The following MICALL2 variants were observed in gnomAD, a reference collection of about 807,000 sequenced individuals.
MICALL2 encodes MICAL like 2.
Under a neutral mutation model 91.1 loss-of-function variants are expected in MICALL2, and 111 were observed. The observed-to-expected ratio is 1.22, with a 90% confidence interval of 1.04 to 1.43. The LOEUF (loss-of-function observed/expected upper bound fraction) is 1.43, where lower values mean the gene tolerates loss of function less well. Ranked by LOEUF, MICALL2 falls within the 40% of genes most tolerant of loss-of-function variation. The probability of loss-of-function intolerance (pLI) is 0.00; values close to 1 mark genes in which losing one functional copy is unlikely to be tolerated. For missense variants in MICALL2, 1,556 were observed against 1,236.0 expected (o/e 1.26, Z -3.88); for synonymous variants, 694 against 525.3 (o/e 1.32, Z -4.39).
chr7:1,457,205 C>G (rs749377625), intron 1 of MICALL2, among the ~76,000 whole-genome samples: 4 of 152,212 alleles, frequency 2.6e-5, no homozygotes, highest in Non-Finnish European at 5.9e-5. Context: ...TGAACCCCAA[C>G]TGAAAGGCCC....
rs4307249 is a variant in MICALL2, at chr7:1,439,008, G to A, written c.1967-13C>T. ...GAGGGGGACCTGGCTGCCCCCAGGT[G>A]GGGAGACAGAGCCACGCTTCAGAGC... is the stretch of plus-strand genomic sequence containing the variant. On this transcript the variant is annotated splice_polypyrimidine_tract_variant and intron_variant, in intron 9 of 16. Coordinates refer to ENST00000297508, the MANE Select transcript of MICALL2 (RefSeq NM_182924.4). 273,338 of 1,582,514 alleles carry A rather than the reference G, an allele frequency of 0.17. 25,111 individuals are homozygous for A. Among genetic ancestry groups the A allele is most frequent in the Admixed American group, 0.3 (17,497 of 59,286 alleles).
chr7:1,450,443 G>A (rs976286627), intron 1 of MICALL2, 155 bp from the exon 2 acceptor site: 15 of 672,864 alleles, frequency 2.2e-5, no homozygotes, highest in Admixed American at 2.4e-5. Context: ...GTGGGCAGAG[G>A]CCAGGGCTCC....
At chr7:1,454,316 G>A (rs1052559942) in intron 1 of MICALL2, among the ~76,000 whole-genome samples, 7 of 152,172 alleles carry the variant, frequency 4.6e-5, no homozygotes, top group Non-Finnish European at 8.8e-5. Flanking sequence ...GAGAGAGGAA[G>A]ACCCCAGCGG....
chr7:1,442,420 G>C lies in MICALL2; in HGVS notation c.1483C>G (p.Pro495Ala). The change falls in exon 7 of 17, where the codon CCC becomes GCC. Residue 495 changes from proline to alanine, a missense_variant. Transcript: ENST00000297508. The part of the protein sequence containing the change: ...QPKTEAPQAS[P>A]LAKPLQSSSP... ...GAGGACTGTAACGGCTTGGCTAAGG[G>C]ACTTGCTTGTGGTGCTTCAGTTTTG... 6.3e-7 allele frequency: 1 copy of C among 1,581,262 alleles called. No homozygotes were observed. The highest frequency in any genetic ancestry group is 8.6e-7 in the Non-Finnish European group (1 of 1,162,248).
intron 6 of MICALL2, among the ~76,000 whole-genome samples, chr7:1,443,791 A>C (rs1211925244): frequency 1.3e-5 from 2 of 152,204 alleles, no homozygotes; most frequent in Non-Finnish European, 2.9e-5. Context: ...CCCCCGCCTC[A>C]AGGTCAGACT....
chr7:1,446,592 G>A (rs1780601171), intron 5 of MICALL2, 121 bp downstream of exon 5: 2 of 655,470 alleles, frequency 3.1e-6, no homozygotes, highest in East Asian at 2.9e-5. Flanking sequence ...GAGGGGAGAG[G>A]GGAGAGGGGA....
chr7:1,444,625 G>A lies in MICALL2; in HGVS notation c.1418+27C>T, dbSNP rs770020389. 88 of 1,595,536 alleles carry A rather than the reference G, an allele frequency of 5.5e-5. 1 individual carries two copies. Among genetic ancestry groups the A allele is most frequent in the South Asian group, 3.9e-4 (35 of 89,914 alleles). On this transcript the variant is annotated intron_variant, in intron 6 of 16. Transcript: ENST00000297508. ...TGGCTGGTGCAAAGAGGCCATACCC[G>A]GGGTCCCTCGGTCCCCACGCGCTCA...
intron 9 of MICALL2, 121 bp downstream of exon 9, chr7:1,439,804 G>A (rs1273955299): frequency 1.3e-6 from 1 of 785,074 alleles, no homozygotes; most frequent in Non-Finnish European, 1.8e-6. Flanking sequence ...TTCTCTGGCT[G>A]ACCGGAGCGC....
At chr7:1,441,065 G>A in intron 7 of MICALL2, 1 of 262,176 alleles carries the variant, frequency 3.8e-6, no homozygotes, top group Middle Eastern at 1.4e-3. Context: ...GCAGGATCCA[G>A]CGCGTGGCTT....
chr7:1,439,286 C>G (rs1406922973), intron 9 of MICALL2: 4 of 428,002 alleles, frequency 9.3e-6, no homozygotes, highest in Non-Finnish European at 1.7e-5. Context: ...GGAATACACA[C>G]AGAGATGTGT....
intron 6 of MICALL2, among the ~76,000 whole-genome samples, chr7:1,444,361 G>A (rs906033399): frequency 6.6e-6 from 1 of 152,214 alleles, no homozygotes; most frequent in Non-Finnish European, 1.5e-5. Flanking sequence ...TTCCAAGGGA[G>A]TGCAGCACAG....
intron 6 of MICALL2, among the ~76,000 whole-genome samples, chr7:1,443,788 C>A (rs1023114783): frequency 6.6e-6 from 1 of 152,234 alleles, no homozygotes; most frequent in African/African-American, 2.4e-5. Flanking sequence ...CTTCCCCCGC[C>A]TCAAGGTCAG....
chr7:1,437,364 G>A (rs553672521), intron 14 of MICALL2, 171 bp downstream of exon 14: 9 of 616,514 alleles, frequency 1.5e-5, no homozygotes, highest in African/African-American at 3.9e-5. Context: ...CTTGGCTGAG[G>A]ACACACAGCC....
At chr7:1,440,369 C>T in intron 8 of MICALL2, 1 of 629,012 alleles carries the variant, frequency 1.6e-6, no homozygotes. Context: ...GTGCGTGAAC[C>T]CACACGGGTG....
In MICALL2 at chr7:1,443,707, G is replaced by A. The variant is rs900837467; in HGVS notation, c.1418+945C>T. Among the ~76,000 whole-genome samples, 4 of 152,290 alleles carry A rather than the reference G, an allele frequency of 2.6e-5. 1 individual carries two copies. Among genetic ancestry groups the A allele is most frequent in the East Asian group, 1.9e-4 (1 of 5,186 alleles). The stretch of plus-strand genomic sequence containing the variant: ...AGGGAGGCGACCACAAGCCAAGAAC[G>A]CTCAGAGCCGCTGGGAGCTGGAAGA... On this transcript the variant is annotated intron_variant, in intron 6 of 16. Coordinates refer to ENST00000297508, the MANE Select transcript of MICALL2 (RefSeq NM_182924.4).
Position 1,443,440 on chromosome 7 carries a change from G to A in MICALL2, c.1419-956C>T, listed in dbSNP as rs192645414. On this transcript the variant is annotated intron_variant, in intron 6 of 16. Coordinates refer to ENST00000297508, the MANE Select transcript of MICALL2 (RefSeq NM_182924.4). Reference sequence around the variant, plus strand: ...GAAACGGCGTTGTCAGCCAGGCTGCGACAAGCATTCTTACTCGCTAAGTGA... The same window carrying A: ...GAAACGGCGTTGTCAGCCAGGCTGCAACAAGCATTCTTACTCGCTAAGTGA... 1.5e-3 allele frequency among the ~76,000 whole-genome samples: 229 copies of A among 152,306 alleles called. 2 individuals carry two copies. The highest frequency in any genetic ancestry group is 2.8e-3 in the Non-Finnish European group (188 of 68,014).
rs866636226 is a variant in MICALL2 at position 1,452,208 on chromosome 7, G to A, written c.144-1920C>T. On this transcript the variant is annotated intron_variant, in intron 1 of 16. Transcript: ENST00000297508. This position sits in a 1 kb window ranked among gnomAD's most constrained non-coding sequence, Gnocchi z 6.2. ...CAAGATGGGGCGCGGACTCCTCTCC[G>A]TGTGGACAGATGACGAGGAGCCCCC... is the stretch of plus-strand genomic sequence containing the variant. Among the ~76,000 whole-genome samples, 1 of 152,196 alleles carries A rather than the reference G, an allele frequency of 6.6e-6. No individual in the cohort carries two copies. Among genetic ancestry groups the A allele is most frequent in the Non-Finnish European group, 1.5e-5 (1 of 68,028 alleles).
chr7:1,445,192 T>C lies in MICALL2; in HGVS notation c.878A>G (p.Asn293Ser). The C allele has an allele frequency of 1.3e-6, 2 of 1,595,946 alleles. No homozygotes were observed. Among genetic ancestry groups the C allele is most frequent in the Middle Eastern group, 1.7e-4 (1 of 6,034 alleles). ...RPSAWEPAAG[N>S]SPARASVPAA... ...TGGAACGGAAGCCCTGGCAGGCGAG[T>C]TGCCCGCAGCAGGCTCCCAGGCCGA... The change falls in exon 6 of 17, where the codon AAC becomes AGC. Residue 293 changes from asparagine to serine, a missense_variant. By Grantham distance (46) the Asn-to-Ser change is conservative (BLOSUM62 1). Transcript: ENST00000297508.
At chr7:1,449,461 C>A (rs1212435154) in intron 2 of MICALL2, among the ~76,000 whole-genome samples, 1 of 152,224 alleles carries the variant, frequency 6.6e-6, no homozygotes, top group Non-Finnish European at 1.5e-5. Flanking sequence ...AGGTGCGCAC[C>A]ACCACGCCCC....
Sources: gnomAD v4.1 joint callset for allele counts (sites outside exome capture counted in the v4.1 genomes callset) on GRCh38, gnomAD v4.1.1 for gene constraint, Gnocchi (gnomAD v3.1) non-coding constraint, MANE v1.5 for transcripts, NCBI Gene and HGNC (gene_info 2026-07-23, HGNC 2026-07-21) for gene names.